Variants in TTN observed in about 807,000 individuals in gnomAD.
TTN encodes the protein titin, also known as connectin.
Under a neutral mutation model 3,223.0 loss-of-function variants are expected in TTN, and 1,525 were observed. The observed-to-expected ratio is 0.47, with a 90% confidence interval of 0.45 to 0.49. The LOEUF is 0.49. Among genes scored for constraint, TTN ranks in the 20% least tolerant of loss-of-function variants. The pLI is 0.00. For synonymous variants in TTN, 14,094 were observed against 15,161.0 expected, an observed-to-expected ratio of 0.93 and a Z score of 5.17; for missense variants, 40,786 against 43,424.0, an observed-to-expected ratio of 0.94 and a Z score of 5.40.
chr2:178,572,129 G>A lies in TTN; in HGVS notation c.74003C>T (p.Thr24668Ile), dbSNP rs771515164. The A allele has an allele frequency of 6.2e-7, 1 of 1,613,272 alleles. No individual in the cohort carries two copies. Among genetic ancestry groups the A allele is most frequent in the Non-Finnish European group, 8.5e-7 (1 of 1,179,560 alleles). The change falls in exon 326 of 363, where the codon ACA (threonine) becomes ATA (isoleucine). Residue 24668 changes from threonine to isoleucine, a missense_variant. By Grantham distance (89) the Thr-to-Ile change is moderately conservative (BLOSUM62 -1). Transcript: ENST00000589042. The stretch of plus-strand genomic sequence containing the variant: ...GATAGTGGCTTCAGTGACCTTGACT[G>A]TGGCACACGTGGCCCATTTGTCACT... Reference protein sequence around the residue: ...KGSDKWATCATVKVTEATITG... With the variant: ...KGSDKWATCAIVKVTEATITG...
intron 117 of TTN, 78 bp from the exon 118 acceptor site, chr2:178,694,086 C>A: frequency 8.9e-7 from 1 of 1,117,716 alleles, no homozygotes; most frequent in Non-Finnish European, 1.3e-6. Context: ...ATTTTATACT[C>A]AAGTATTTAG....
intron 102 of TTN, among the ~76,000 whole-genome samples, chr2:178,706,095 T>A (rs966141223): frequency 6.6e-6 from 1 of 152,216 alleles, no homozygotes; most frequent in African/African-American, 2.4e-5. Context: ...AATCTTGAGA[T>A]GGATGGCCCA....
Position 178,533,825 on chromosome 2 carries a change from G to A in TTN, c.102790C>T (p.Leu34264Phe), listed in dbSNP as rs773984912. The A allele has an allele frequency of 1.7e-5, 27 of 1,613,950 alleles. No homozygotes were observed. Among genetic ancestry groups the A allele is most frequent in the Non-Finnish European group, 2.1e-5 (25 of 1,179,870 alleles). ...CCTACATAAGCTGTCTTATTATAGA[G>A]AGGCAGGGTAAATTCTGGTGGCCTT... is the stretch of plus-strand genomic sequence containing the variant. Reference protein sequence around the residue: ...LERPPEFTLPLYNKTAYVGEN... With the variant: ...LERPPEFTLPFYNKTAYVGEN... Residue 34264 changes from leucine (L) to phenylalanine (F), a missense_variant, in exon 358 of 363, where the codon CTC becomes TTC. Leu to Phe is a conservative substitution (Grantham distance 22). Coordinates refer to ENST00000589042, the MANE Select transcript of TTN (RefSeq NM_001267550.2).
intron 350 of TTN, among the ~76,000 whole-genome samples, chr2:178,540,708 A>C (rs1694000153): frequency 6.6e-6 from 1 of 152,154 alleles, no homozygotes; most frequent in South Asian, 2.1e-4. Flanking sequence ...AGGCAGAAGA[A>C]TTGCTTGAAC....
In TTN at chr2:178,790,697, G is replaced by T; in HGVS notation, c.1800+11C>A. The T allele has an allele frequency of 6.2e-7, 1 of 1,614,072 alleles. No homozygotes were observed. The highest frequency in any genetic ancestry group is 2.2e-5 in the East Asian group (1 of 44,882). On this transcript the variant is annotated intron_variant, in intron 11 of 362. Transcript: ENST00000589042. ...GCAAGAGTGACTTTCACATTGGCAG[G>T]AAGTCATCACCTTTTCATAACTTAG...
chr2:178,712,033 T>A lies in TTN; in HGVS notation c.27797A>T (p.Gln9266Leu). The A allele has an allele frequency of 6.2e-7, 1 of 1,613,830 alleles. No homozygotes were observed. Residue 9266 changes from glutamine (Q) to leucine (L), a missense_variant, in exon 96 of 363, where the codon CAG becomes CTG. Transcript: ENST00000589042. The stretch of plus-strand genomic sequence containing the variant: ...TTCTCCACTATCATTAATATCAACC[T>A]GGTTGAAAACCAGTGTAGCAACATT... ...RNNVATLVFN[Q>L]VDINDSGEYI...
intron 273 of TTN, 61 bp from the exon 274 acceptor site, chr2:178,608,969 T>C: frequency 6.4e-7 from 1 of 1,561,042 alleles, no homozygotes; most frequent in South Asian, 1.2e-5. Flanking sequence ...CTATGGAAAA[T>C]ATAAATGTGA....
In TTN at chr2:178,636,471, A is replaced by G. The variant is rs1280849710; in HGVS notation, c.41256T>C (p.Asp13752=). Reference sequence around the variant, plus strand: ...GTAAAACACAGGTGTATTCACCAGCATCGGAAAGTTGAACATCAATGATGT... The same window carrying G: ...GTAAAACACAGGTGTATTCACCAGCGTCGGAAAGTTGAACATCAATGATGT... The part of the protein sequence containing the change: ...KLHIIDVQLS[D]AGEYTCVLRL... The change falls in exon 225 of 363, where the codon GAT becomes GAC. Residue 13752 remains aspartate, a synonymous_variant. Transcript: ENST00000589042. The surrounding 1 kb of genome is among the most constrained non-coding windows in gnomAD (Gnocchi z 4.3). 3.1e-6 allele frequency: 5 copies of G among 1,613,214 alleles called. No individual in the cohort carries two copies. The African/African-American group carries it at 4.0e-5, about 13-fold the overall frequency.
In TTN at chr2:178,562,391, G is replaced by T. The variant is rs1363810030; in HGVS notation, c.83741C>A (p.Thr27914Lys). Reference protein sequence around the residue: ...TKGSEKWSTCTQVKTLEATIS... With the variant: ...TKGSEKWSTCKQVKTLEATIS... ...AGTTGCTTCTAGAGTCTTAACTTGT[G>T]TGCAGGTGCTCCACTTTTCACTCCC... Residue 27914 changes from threonine (T) to lysine (K), a missense_variant, in exon 326 of 363, where the codon ACA (threonine) becomes AAA (lysine). By Grantham distance (78) the Thr-to-Lys change is moderately conservative. Coordinates refer to ENST00000589042, the MANE Select transcript of TTN (RefSeq NM_001267550.2). 1.9e-6 allele frequency: 3 copies of T among 1,611,714 alleles called. No homozygotes were observed. Among genetic ancestry groups the T allele is most frequent in the Non-Finnish European group, 2.5e-6 (3 of 1,179,108 alleles).
rs768149481 is a variant in TTN, at chr2:178,729,790, A to C, written c.18463T>G (p.Ser6155Ala). Residue 6155 changes from serine (S) to alanine (A), a missense_variant, in exon 63 of 363, where the codon TCC becomes GCC. Coordinates refer to ENST00000589042, the MANE Select transcript of TTN (RefSeq NM_001267550.2). ...AAAGTGGCTAAACCATCAATGAAGG[A>C]AATGCCATGTTTCTGAATGGCTGTT... ...EITAIQKHGISFIDGLATFQI... is the reference protein window; with the variant it reads ...EITAIQKHGIAFIDGLATFQI... The C allele has an allele frequency of 1.9e-6, 3 of 1,613,658 alleles. No homozygotes were observed. In the East Asian group the frequency reaches 6.7e-5, roughly 36 times the overall value.
Position 178,602,043 on chromosome 2 carries a change from A to G in TTN, c.55228T>C (p.Ser18410Pro), listed in dbSNP as rs778636992. Residue 18410 changes from serine to proline, a missense_variant, in exon 284 of 363, where the codon TCA (serine) becomes CCA (proline). Ser to Pro is a moderately conservative substitution (Grantham distance 74, BLOSUM62 -1). Transcript: ENST00000589042. ...AVIKGRPTPK[S>P]SWEFDGKAKK... ...GCCTTTCCATCAAATTCCCAAGATG[A>G]TTTTGGTGTTGGGCGTCCCTTGATG... 4 of 1,612,524 alleles carry G rather than the reference A, an allele frequency of 2.5e-6. No homozygotes were observed. The Admixed American group carries it at 6.7e-5, about 27-fold the overall frequency.
Position 178,572,261 on chromosome 2 carries a change from G to A in TTN, c.73871C>T (p.Thr24624Ile). The A allele has an allele frequency of 6.2e-7, 1 of 1,613,264 alleles. No homozygotes were observed. Among genetic ancestry groups the A allele is most frequent in the Non-Finnish European group, 8.5e-7 (1 of 1,179,528 alleles). The change falls in exon 326 of 363, where the codon ACT (threonine) becomes ATT (isoleucine). Residue 24624 changes from threonine to isoleucine, a missense_variant. Coordinates refer to ENST00000589042, the MANE Select transcript of TTN (RefSeq NM_001267550.2). ...ACTATTTCTTGTGACATCCATCAAAGTTATTTTTCCTGGAGGAAGAGGTCG... is the reference window on the plus strand; with the variant it reads ...ACTATTTCTTGTGACATCCATCAAAATTATTTTTCCTGGAGGAAGAGGTCG... ...SERPLPPGKI[T>I]LMDVTRNSVS...
At position 178,747,616 on chromosome 2, in the gene TTN, C is replaced by G. The variant is rs373407579; in HGVS notation, c.11311+5508G>C. The G allele has an allele frequency of 3.1e-6, 5 of 1,613,184 alleles. No homozygotes were observed. The African/African-American group carries it at 6.7e-5, about 22-fold the overall frequency. ...AAGTGATTGATTCACTCTGGACAAG[C>G]TTTGCCTGGTCTCTGGTGTCTTTAG... On this transcript the variant is annotated intron_variant, in intron 47 of 362. Transcript: ENST00000589042.
At position 178,720,391 on chromosome 2, in the gene TTN, A is replaced by C; in HGVS notation, c.23371T>G (p.Phe7791Val). 1 of 1,611,254 alleles carries C rather than the reference A, an allele frequency of 6.2e-7. No homozygotes were observed. The highest frequency in any genetic ancestry group is 8.5e-7 in the Non-Finnish European group (1 of 1,178,430). The change falls in exon 80 of 363, where the codon TTC (phenylalanine) becomes GTC (valine). Residue 7791 changes from phenylalanine (F) to valine (V), a missense_variant. By Grantham distance (50) the Phe-to-Val change is conservative (BLOSUM62 -1). Coordinates refer to ENST00000589042, the MANE Select transcript of TTN (RefSeq NM_001267550.2). ...GSDTCSCSVK[F>V]KEPPRFVKKL... is the part of the protein sequence containing the mutation. ...TGTGTCCATGTATACAAACCTTTGA[A>C]CTTGACAGAGCAAGAACACGTGTCA...
chr2:178,694,439 A>G (rs547489033), intron 117 of TTN, 160 bp downstream of exon 117: 17 of 521,048 alleles, frequency 3.3e-5, no homozygotes, highest in Middle Eastern at 4.6e-4. Flanking sequence ...TACTATTTAA[A>G]TTAAACATAT....
At chr2:178,627,502 G>C (rs1483153808) in intron 240 of TTN, among the ~76,000 whole-genome samples, 1 of 151,962 alleles carries the variant, frequency 6.6e-6, no homozygotes, top group East Asian at 1.9e-4. Flanking sequence ...TTTGAAAAGA[G>C]ACATTTAAGT....
At position 178,532,725 on chromosome 2, in the gene TTN, C is replaced by A; in HGVS notation, c.103890G>T (p.Glu34630Asp). Residue 34630 changes from glutamate to aspartate, a missense_variant, in exon 358 of 363, where the codon GAG becomes GAT. Physicochemically the swap from Glu to Asp is conservative, Grantham distance 45. Transcript: ENST00000589042. ...RIPKLSQDDL[E>D]IVRPARRRTP... ...TACGCCGGCGGGCTGGTCTCACTAT[C>A]TCAAGATCATCTTGGGACAGTTTAG... is the stretch of plus-strand genomic sequence containing the variant. 6.2e-7 allele frequency: 1 copy of A among 1,613,944 alleles called. No individual in the cohort carries two copies. The highest frequency in any genetic ancestry group is 1.7e-5 in the Admixed American group (1 of 60,012).
chr2:178,569,741 G>C lies in TTN; in HGVS notation c.76391C>G (p.Thr25464Arg). 1 of 1,613,128 alleles carries C rather than the reference G, an allele frequency of 6.2e-7. No individual in the cohort carries two copies. Among genetic ancestry groups the C allele is most frequent in the Non-Finnish European group, 8.5e-7 (1 of 1,179,588 alleles). ...CAACAGCTTCTCTACTTCTATGTTT[G>C]TTTTATTAATTCCTGTTGGTGGAGT... The part of the protein sequence containing the change: ...MCTPPTGINK[T>R]NIEVEKLLEK... Residue 25464 changes from threonine to arginine, a missense_variant, in exon 326 of 363, where the codon ACA becomes AGA. Physicochemically the swap from Thr to Arg is moderately conservative, Grantham distance 71 (BLOSUM62 -1). Coordinates refer to ENST00000589042, the MANE Select transcript of TTN (RefSeq NM_001267550.2).
chr2:178,597,161 C>T (rs1266851091), intron 294 of TTN, among the ~76,000 whole-genome samples: 1 of 152,006 alleles, frequency 6.6e-6, no homozygotes, highest in Non-Finnish European at 1.5e-5. Flanking sequence ...ACATAATAGA[C>T]ACTATGGGGG....
Sources: allele counts gnomAD v4.1 joint callset (sites outside exome capture counted in the v4.1 genomes callset), GRCh38; gene constraint gnomAD v4.1.1; non-coding constraint Gnocchi (gnomAD v3.1); transcripts MANE v1.5; gene names NCBI Gene and HGNC (gene_info 2026-07-23, HGNC 2026-07-21).